Variants in GPR142 observed in about 807,000 individuals in gnomAD.
GPR142 encodes the protein G-protein coupled receptor 142 long form.
Under a neutral mutation model 10.6 loss-of-function variants are expected in GPR142, and 9 were observed. That is an observed-to-expected ratio of 0.85 (90% CI 0.51 to 1.48). GPR142 has a LOEUF of 1.48. Ranked by LOEUF, GPR142 falls within the 40% of genes most tolerant of loss-of-function variation. The pLI is 0.00. For missense variants in GPR142, 482 were observed against 506.0 expected (o/e 0.95, Z 0.45); for synonymous variants, 202 against 221.2 (o/e 0.91, Z 0.77).
rs750759792 is a variant in GPR142, at chr17:74,369,450, C to T, written c.-73-18C>T. On this transcript the variant is annotated intron_variant, in intron 1 of 3. Coordinates refer to ENST00000582579, the MANE Select transcript of GPR142 (RefSeq NM_001331076.1). ...TTCCTTCCTCCTCCTTCCCCCGCCC[C>T]GCCCCCTGCACTAACAGGCTCAGTG... The T allele has an allele frequency of 6.4e-6, 10 of 1,553,708 alleles. No homozygotes were observed. The highest frequency in any genetic ancestry group is 2.4e-5 in the East Asian group (1 of 41,274).
At chr17:74,370,173 C>G (rs578037122) in intron 2 of GPR142, among the ~76,000 whole-genome samples, 3 of 124,378 alleles carry the variant, frequency 2.4e-5, no homozygotes, top group Non-Finnish European at 3.5e-5. Context: ...GGCCCAGGAG[C>G]CTGCACCTCG....
intron 1 of GPR142, among the ~76,000 whole-genome samples, chr17:74,369,259 C>G (rs1369752011): frequency 6.6e-6 from 1 of 152,148 alleles, no homozygotes; most frequent in Non-Finnish European, 1.5e-5. Context: ...CCTGCTCCCC[C>G]AGGCATAGAC....
In GPR142 at chr17:74,372,162, C is replaced by T; in HGVS notation, c.687C>T (p.His229=). 1 of 1,614,166 alleles carries T rather than the reference C, an allele frequency of 6.2e-7. No individual in the cohort carries two copies. Among genetic ancestry groups the T allele is most frequent in the South Asian group, 1.1e-5 (1 of 91,060 alleles). The change falls in exon 4 of 4, where the codon CAC becomes CAT. Residue 229 remains histidine, a synonymous_variant. Coordinates refer to ENST00000582579, the MANE Select transcript of GPR142 (RefSeq NM_001331076.1). The part of the protein sequence containing the change: ...RTLDEVLKWA[H]CLTVYFIPCG... ...TGGACGAGGTCCTCAAGTGGGCTCA[C>T]TGTCTCACTGTCTATTTCATCCCTT... is the stretch of plus-strand genomic sequence containing the variant.
At chr17:74,371,107 G>T (rs911885237) in intron 3 of GPR142, among the ~76,000 whole-genome samples, 1 of 150,876 alleles carries the variant, frequency 6.6e-6, no homozygotes, top group African/African-American at 2.4e-5. Flanking sequence ...CCATTCTGGA[G>T]GACACAGAAA....
At chr17:74,369,178 A>G (rs1196935725) in intron 1 of GPR142, among the ~76,000 whole-genome samples, 1 of 151,640 alleles carries the variant, frequency 6.6e-6, no homozygotes, top group African/African-American at 2.4e-5. Flanking sequence ...AGGCCAGCTC[A>G]CAGAGTGCCC....
chr17:74,371,336 T>A (rs1336947928), intron 3 of GPR142, among the ~76,000 whole-genome samples: 1 of 152,128 alleles, frequency 6.6e-6, no homozygotes, highest in African/African-American at 2.4e-5. Flanking sequence ...TGTATATTTT[T>A]TTAACAGAGA....
At position 74,371,978 on chromosome 17, in the gene GPR142, G is replaced by T; in HGVS notation, c.503G>T (p.Arg168Leu). 6.2e-7 allele frequency: 1 copy of T among 1,612,644 alleles called. No individual in the cohort carries two copies. The highest frequency in any genetic ancestry group is 2.2e-5 in the East Asian group (1 of 44,868). Residue 168 changes from arginine (R) to leucine (L), a missense_variant, in exon 4 of 4, where the codon CGC (arginine) becomes CTC (leucine). Arg to Leu is a moderately radical substitution (Grantham distance 102). Coordinates refer to ENST00000582579, the MANE Select transcript of GPR142 (RefSeq NM_001331076.1). ...VWIAILLTVD[R>L]YTALCHPLHH... ...ATCGCCATCCTGCTCACGGTTGACC[G>T]CTACACTGCCCTGTGCCACCCCCTG...
intron 1 of GPR142, among the ~76,000 whole-genome samples, chr17:74,369,258 C>G: frequency 6.6e-6 from 1 of 152,144 alleles, no homozygotes; most frequent in East Asian, 1.9e-4. Context: ...TCCTGCTCCC[C>G]CAGGCATAGA....
Position 74,372,141 on chromosome 17 carries a change from C to T in GPR142, c.666C>T (p.Asp222=), listed in dbSNP as rs763290006. ...WRDTDSPRTL[D]EVLKWAHCLT... Reference sequence around the variant, plus strand: ...ACACCGACTCACCCAGAACACTGGACGAGGTCCTCAAGTGGGCTCACTGTC... The same window carrying T: ...ACACCGACTCACCCAGAACACTGGATGAGGTCCTCAAGTGGGCTCACTGTC... Residue 222 remains aspartate, a synonymous_variant, in exon 4 of 4, where the codon GAC becomes GAT. Coordinates refer to ENST00000582579, the MANE Select transcript of GPR142 (RefSeq NM_001331076.1). The T allele has an allele frequency of 6.8e-6, 11 of 1,614,064 alleles. No homozygotes were observed. Among genetic ancestry groups the T allele is most frequent in the South Asian group, 4.4e-5 (4 of 91,080 alleles).
Position 74,372,544 on chromosome 17 carries a change from A to G in GPR142, c.1069A>G (p.Met357Val), listed in dbSNP as rs148260111. The G allele has an allele frequency of 4.3e-6, 7 of 1,611,826 alleles. No individual in the cohort carries two copies. Among genetic ancestry groups the G allele is most frequent in the Non-Finnish European group, 5.9e-6 (7 of 1,180,038 alleles). ...CACTTTGGCATCACAGCCAGAGGGC[A>G]TGGCGGCGAAGCCTGTGATGGAGCC... ...PCTLASQPEG[M>V]AAKPVMEPPG... The change falls in exon 4 of 4, where the codon ATG (methionine) becomes GTG (valine). Residue 357 changes from methionine to valine, a missense_variant. By Grantham distance (21) the Met-to-Val change is conservative (BLOSUM62 1). Transcript: ENST00000582579.
Position 74,372,001 on chromosome 17 carries a change from C to T in GPR142, c.526C>T (p.Leu176=). 6.2e-7 allele frequency: 1 copy of T among 1,613,290 alleles called. No homozygotes were observed. The highest frequency in any genetic ancestry group is 8.5e-7 in the Non-Finnish European group (1 of 1,179,960). The change falls in exon 4 of 4, where the codon CTG becomes TTG. Residue 176 remains leucine (L), a synonymous_variant. Coordinates refer to ENST00000582579, the MANE Select transcript of GPR142 (RefSeq NM_001331076.1). ...VDRYTALCHP[L]HHRAASSPGR... ...CCGCTACACTGCCCTGTGCCACCCC[C>T]TGCACCATCGGGCCGCCTCGTCCCC...
At chr17:74,369,658 T>C (rs1351012324) in intron 2 of GPR142, 24 bp downstream of exon 2, 1 of 1,535,314 alleles carries the variant, frequency 6.5e-7, no homozygotes, top group South Asian at 1.2e-5. Flanking sequence ...AAGTGGGGTG[T>C]GCTGGGGGCA....
At chr17:74,369,274 C>G (rs192901962) in intron 1 of GPR142, among the ~76,000 whole-genome samples, 194 bp from the exon 2 acceptor site, 1 of 152,104 alleles carries the variant, frequency 6.6e-6, no homozygotes, top group Non-Finnish European at 1.5e-5. Flanking sequence ...ATAGACATAC[C>G]TGTGAACCCC....
rs111469849 is a variant in GPR142, at chr17:74,370,462, C to T, written c.95-59C>T. On this transcript the variant is annotated intron_variant, in intron 2 of 3. Coordinates refer to ENST00000582579, the MANE Select transcript of GPR142 (RefSeq NM_001331076.1). Reference sequence around the variant, plus strand: ...AAGACCCCAGGTCAGGGCGGGGCTGCGCCCAGCCAGGTTAGAAATAGACCA... The same window carrying T: ...AAGACCCCAGGTCAGGGCGGGGCTGTGCCCAGCCAGGTTAGAAATAGACCA... 701 of 1,530,796 alleles carry T rather than the reference C, an allele frequency of 4.6e-4. 3 individuals carry two copies. The African/African-American group carries it at 7.9e-3, about 17-fold the overall frequency. The allele number at this position is 1,530,796 out of a possible 1,614,324, so 94.8% of individuals were successfully genotyped here. A position where few individuals can be genotyped will look rare whatever the true frequency, so the allele number is the denominator to read the frequency against.
chr17:74,368,350 G>C (rs2054996910), intron 1 of GPR142, among the ~76,000 whole-genome samples: 1 of 152,176 alleles, frequency 6.6e-6, no homozygotes, highest in Admixed American at 6.5e-5. Flanking sequence ...GACCTGCCCT[G>C]AGCGGGCAGC....
In GPR142 at chr17:74,372,469, A is replaced by C; in HGVS notation, c.994A>C (p.Thr332Pro). Residue 332 changes from threonine (T) to proline (P), a missense_variant, in exon 4 of 4, where the codon ACT becomes CCT. Transcript: ENST00000582579. The stretch of plus-strand genomic sequence containing the variant: ...CGGCCTCTACTGCTTTGTCAGCAAG[A>C]CTTTCCGGGCCACTGTCCGACAGGT... Reference protein sequence around the residue: ...NFGLYCFVSKTFRATVRQVIH... With the variant: ...NFGLYCFVSKPFRATVRQVIH... 1 of 1,613,738 alleles carries C rather than the reference A, an allele frequency of 6.2e-7. No individual in the cohort carries two copies. The highest frequency in any genetic ancestry group is 8.5e-7 in the Non-Finnish European group (1 of 1,180,034).
At chr17:74,368,412 C>G (rs1359640798) in intron 1 of GPR142, among the ~76,000 whole-genome samples, 1 of 151,742 alleles carries the variant, frequency 6.6e-6, no homozygotes, top group African/African-American at 2.4e-5. Flanking sequence ...AACCATGGGA[C>G]TTTCAGGCTT....
rs774584843 is a variant in GPR142 at position 74,372,150 on chromosome 17, C to T, written c.675C>T (p.Leu225=). The T allele has an allele frequency of 1.2e-6, 2 of 1,614,192 alleles. No individual in the cohort carries two copies. Among genetic ancestry groups the T allele is most frequent in the Non-Finnish European group, 1.7e-6 (2 of 1,180,028 alleles). The change falls in exon 4 of 4, where the codon CTC becomes CTT. Residue 225 remains leucine, a synonymous_variant. Transcript: ENST00000582579. ...CACCCAGAACACTGGACGAGGTCCTCAAGTGGGCTCACTGTCTCACTGTCT... is the reference window on the plus strand; with the variant it reads ...CACCCAGAACACTGGACGAGGTCCTTAAGTGGGCTCACTGTCTCACTGTCT... The part of the protein sequence containing the change: ...TDSPRTLDEV[L]KWAHCLTVYF...
rs371610556 is a variant in GPR142 at position 74,371,848 on chromosome 17, G to A, written c.373G>A (p.Ala125Thr). Residue 125 changes from alanine (A) to threonine (T), a missense_variant, in exon 4 of 4, where the codon GCG (alanine) becomes ACG (threonine). Coordinates refer to ENST00000582579, the MANE Select transcript of GPR142 (RefSeq NM_001331076.1). ...DIIIQVVIVF[A>T]GFLLQGAVLA... is the part of the protein sequence containing the mutation. ...CATCATCCAGGTGGTCATCGTGTTC[G>A]CGGGCTTCCTCCTGCAGGGAGCAGT... is the stretch of plus-strand genomic sequence containing the variant. 6.3e-5 allele frequency: 101 copies of A among 1,613,558 alleles called. No homozygotes were observed. The highest frequency in any genetic ancestry group is 8.0e-5 in the African/African-American group (6 of 74,938).
Sources: allele counts gnomAD v4.1 joint callset (sites outside exome capture counted in the v4.1 genomes callset), GRCh38; gene constraint gnomAD v4.1.1; transcripts MANE v1.5; gene names NCBI Gene and HGNC (gene_info 2026-07-23, HGNC 2026-07-21).